Variants in CSRNP3 observed in about 807,000 individuals in gnomAD.
CSRNP3 encodes the protein cysteine and serine rich nuclear protein 3, also known as cysteine/serine-rich nuclear protein 3.
A neutral mutation model predicts 48.0 loss-of-function variants in CSRNP3; 12 were observed. The observed-to-expected ratio is 0.25, with a 90% CI of 0.16 to 0.41. The LOEUF (loss-of-function observed/expected upper bound fraction) is 0.41, where lower values mean the gene tolerates loss of function less well. Ranked by LOEUF, CSRNP3 falls within the 10% of genes least tolerant of loss-of-function variation. The pLI, the probability that CSRNP3 is intolerant of heterozygous loss-of-function variation, is 1.00. For missense variants in CSRNP3, 580 were observed against 724.4 expected (o/e 0.80, Z 2.29); for synonymous variants, 263 against 269.7 (o/e 0.98, Z 0.24).
rs1382823547 is a variant in CSRNP3 at position 165,490,363 on chromosome 2, G to T, written c.-282-4396G>T. ...AGGAAGAATCAATATCTTGAAAATG[G>T]CCATACTGCCCAAGGTAATTTACAG... On this transcript the variant is annotated intron_variant, in intron 1 of 6. Transcript: ENST00000651982. 3.6e-3 allele frequency among the ~76,000 whole-genome samples: 516 copies of T among 144,118 alleles called. 1 individual carries two copies. Among genetic ancestry groups the T allele is most frequent in the African/African-American group, 0.013 (476 of 36,622 alleles). The allele number at this position is 144,118 out of a possible 152,430, so 94.5% of individuals were successfully genotyped here. A position where few individuals can be genotyped will look rare whatever the true frequency, so the allele number is the denominator to read the frequency against.
intron 3 of CSRNP3, among the ~76,000 whole-genome samples, chr2:165,575,153 A>C (rs1685428145): frequency 6.6e-6 from 1 of 152,202 alleles, no homozygotes; most frequent in Non-Finnish European, 1.5e-5. Context: ...AGACAGGACA[A>C]AAGTCTTCTT....
intron 4 of CSRNP3, among the ~76,000 whole-genome samples, chr2:165,639,246 C>A (rs1686686284): frequency 6.6e-6 from 1 of 152,128 alleles, no homozygotes; most frequent in African/African-American, 2.4e-5. Context: ...TAATGTGGCA[C>A]TAAGCACCAT....
rs535763067 is a variant in CSRNP3, at chr2:165,525,346, TTCTC to T, written c.-24+7389_-24+7392del. ...AGGAAATAGGTGATTTGCAAACATTTTCTCTCTGTCTGTGGCATGCTTTTTTGTT... is the reference window on the plus strand; with the variant it reads ...AGGAAATAGGTGATTTGCAAACATTTTCTGTCTGTGGCATGCTTTTTTGTT... On this transcript the variant is annotated intron_variant, in intron 3 of 6. Transcript: ENST00000651982. Among the ~76,000 whole-genome samples, 8 of 152,296 alleles carry T rather than the reference TTCTC, an allele frequency of 5.3e-5. No homozygotes were observed. In the South Asian group the frequency reaches 1.7e-3, roughly 32 times the overall value.
chr2:165,577,335 C>T (rs193012771), intron 3 of CSRNP3, among the ~76,000 whole-genome samples: 2 of 151,544 alleles, frequency 1.3e-5, no homozygotes, highest in Non-Finnish European at 3.0e-5. Context: ...ATTATAAGAA[C>T]AATAAAATTG....
rs192040550 is a variant in CSRNP3, at chr2:165,600,306, G to C, written c.148+5093G>C. Reference sequence around the variant, plus strand: ...TCATAGTATTCCATGGTGTATATGTGCCACATTTTCTTAATCCAGTCCATC... The same window carrying C: ...TCATAGTATTCCATGGTGTATATGTCCCACATTTTCTTAATCCAGTCCATC... On this transcript the variant is annotated intron_variant, in intron 4 of 6. Coordinates refer to ENST00000651982, the MANE Select transcript of CSRNP3 (RefSeq NM_001172173.2). 8.9e-3 allele frequency among the ~76,000 whole-genome samples: 1,323 copies of C among 148,900 alleles called. 21 individuals carry two copies. The highest frequency in any genetic ancestry group is 0.031 in the African/African-American group (1,246 of 40,186).
chr2:165,619,676 T>C (rs1686308445), intron 4 of CSRNP3, among the ~76,000 whole-genome samples: 1 of 152,176 alleles, frequency 6.6e-6, no homozygotes, highest in African/African-American at 2.4e-5. Flanking sequence ...CTAGCATTTA[T>C]CCACTAACAA....
At chr2:165,614,491 C>T (rs1341831332) in intron 4 of CSRNP3, among the ~76,000 whole-genome samples, 1 of 152,126 alleles carries the variant, frequency 6.6e-6, no homozygotes, top group East Asian at 1.9e-4. Flanking sequence ...AAGTGGGCAT[C>T]CTTGTCTTTT....
chr2:165,570,971 TA>T (rs1206521288), intron 3 of CSRNP3, among the ~76,000 whole-genome samples: 2 of 151,978 alleles, frequency 1.3e-5, no homozygotes, highest in African/African-American at 4.8e-5. Context: ...TCATTGTATT[TA>T]AAAGCTAAGC....
At chr2:165,638,964 G>A (rs918127465) in intron 4 of CSRNP3, among the ~76,000 whole-genome samples, 3 of 152,086 alleles carry the variant, frequency 2.0e-5, no homozygotes, top group Admixed American at 6.5e-5. Flanking sequence ...TGAGCCTCTG[G>A]TCATAACATT....
At chr2:165,471,544 T>A (rs1683894990) in intron 1 of CSRNP3, among the ~76,000 whole-genome samples, 1 of 152,090 alleles carries the variant, frequency 6.6e-6, no homozygotes, top group African/African-American at 2.4e-5. Context: ...TTTTAAATTA[T>A]TCTGTTTCCT....
intron 4 of CSRNP3, among the ~76,000 whole-genome samples, chr2:165,631,594 A>G (rs1573931632): frequency 6.6e-6 from 1 of 152,258 alleles, no homozygotes; most frequent in Non-Finnish European, 1.5e-5. Flanking sequence ...CCATGCCTTA[A>G]AAGACCTCAG....
At chr2:165,561,788 C>T (rs936646652) in intron 3 of CSRNP3, among the ~76,000 whole-genome samples, 2 of 152,048 alleles carry the variant, frequency 1.3e-5, no homozygotes, top group African/African-American at 4.8e-5. Flanking sequence ...TAAGGAATTT[C>T]TATTTTGTAA....
chr2:165,589,211 T>A (rs1266052781), intron 3 of CSRNP3, among the ~76,000 whole-genome samples: 2 of 152,166 alleles, frequency 1.3e-5, no homozygotes, highest in African/African-American at 4.8e-5. Flanking sequence ...ACTTTATTAA[T>A]AGGGCCTTCT....
chr2:165,512,664 T>C (rs1383246884), intron 2 of CSRNP3, among the ~76,000 whole-genome samples: 1 of 152,258 alleles, frequency 6.6e-6, no homozygotes, highest in East Asian at 1.9e-4. Flanking sequence ...TTTTGTTGTT[T>C]GGTAGACGAA....
At chr2:165,566,785 C>T (rs1685303864) in intron 3 of CSRNP3, 1 of 151,840 alleles carries the variant, frequency 6.6e-6, no homozygotes. Context: ...AGATGGAGAG[C>T]CACTTAGCTT....
intron 3 of CSRNP3, among the ~76,000 whole-genome samples, chr2:165,583,308 A>G (rs1685576938): frequency 6.6e-6 from 1 of 152,192 alleles, no homozygotes; most frequent in African/African-American, 2.4e-5. Flanking sequence ...TTGCTTACTC[A>G]GGGGTAATTG....
At chr2:165,474,234 A>G (rs1683931758) in intron 1 of CSRNP3, among the ~76,000 whole-genome samples, 1 of 151,672 alleles carries the variant, frequency 6.6e-6, no homozygotes, top group Non-Finnish European at 1.5e-5. Flanking sequence ...ATTTTATTTT[A>G]TTTTATATTT....
chr2:165,500,306 C>G (rs1684338842), intron 2 of CSRNP3, among the ~76,000 whole-genome samples: 1 of 150,468 alleles, frequency 6.6e-6, no homozygotes, highest in Non-Finnish European at 1.5e-5. Flanking sequence ...ACATATTTTA[C>G]TTACAATTCA....
At chr2:165,554,709 G>A (rs1479080176) in intron 3 of CSRNP3, among the ~76,000 whole-genome samples, 1 of 152,050 alleles carries the variant, frequency 6.6e-6, no homozygotes, top group Non-Finnish European at 1.5e-5. Flanking sequence ...CCGGAAGTTT[G>A]GAATAGCCTC....
Sources: allele counts gnomAD v4.1 joint callset (sites outside exome capture counted in the v4.1 genomes callset), GRCh38; gene constraint gnomAD v4.1.1; transcripts MANE v1.5; gene names NCBI Gene and HGNC (gene_info 2026-07-23, HGNC 2026-07-21).